YPEL2: variants seen among roughly 807,000 people sequenced by gnomAD.
The protein encoded by YPEL2 is yippee like 2.
A neutral mutation model predicts 19.1 loss-of-function variants in YPEL2; 2 were observed. The ratio of observed to expected loss-of-function variants is 0.10; its 90% confidence interval spans 0.04 to 0.33. The LOEUF is 0.33. YPEL2 is among the 10% of genes least tolerant of loss of function. YPEL2 has a pLI of 1.00. For missense variants in YPEL2, 66 were observed against 140.7 expected (o/e 0.47, Z 2.68); for synonymous variants, 52 against 50.0 (o/e 1.04, Z -0.17).
chr17:59,350,784 A>G (rs2047783788), intron 1 of YPEL2, among the ~76,000 whole-genome samples: 1 of 152,140 alleles, frequency 6.6e-6, no homozygotes, highest in Admixed American at 6.5e-5. Context: ...GAAATGTATA[A>G]TTTAGAAGCT....
At chr17:59,361,360 T>A (rs2047840074) in intron 2 of YPEL2, among the ~76,000 whole-genome samples, 1 of 152,200 alleles carries the variant, frequency 6.6e-6, no homozygotes, top group Non-Finnish European at 1.5e-5. Flanking sequence ...CTCAAAAATT[T>A]TGTCAGGGAA....
intron 2 of YPEL2, among the ~76,000 whole-genome samples, chr17:59,359,980 A>T (rs1326497951): frequency 1.3e-5 from 2 of 152,068 alleles, no homozygotes; most frequent in African/African-American, 4.8e-5. Flanking sequence ...GCTCACTGCA[A>T]CCTCCGCCTC....
In YPEL2 at chr17:59,353,845, G is replaced by A. The variant is rs534848832; in HGVS notation, c.117+319G>A. On this transcript the variant is annotated intron_variant, in intron 2 of 4. Coordinates refer to ENST00000312655, the MANE Select transcript of YPEL2 (RefSeq NM_001005404.4). This position sits in a 1 kb window ranked among gnomAD's most constrained non-coding sequence, Gnocchi z 4.8. Reference sequence around the variant, plus strand: ...GCTTGCTTGGTTTAGGTTGGCGGACGAAGAGTGAAGAGTGCTCCCTGCTCA... The same window carrying A: ...GCTTGCTTGGTTTAGGTTGGCGGACAAAGAGTGAAGAGTGCTCCCTGCTCA... 5.2e-5 allele frequency: 19 copies of A among 368,366 alleles called. No individual in the cohort carries two copies. Among genetic ancestry groups the A allele is most frequent in the Non-Finnish European group, 9.0e-5 (17 of 189,800 alleles). 22.8% of individuals were successfully genotyped at this position (368,366 alleles called of 1,614,324 possible).
intron 4 of YPEL2, among the ~76,000 whole-genome samples, chr17:59,393,372 C>A (rs1269546896): frequency 6.7e-6 from 1 of 150,256 alleles, no homozygotes; most frequent in East Asian, 2.0e-4. Context: ...CGGCCTCAAG[C>A]AGTCTTCCTG....
At chr17:59,396,406 G>A (rs1180832107) in intron 4 of YPEL2, among the ~76,000 whole-genome samples, 1 of 152,204 alleles carries the variant, frequency 6.6e-6, no homozygotes, top group Non-Finnish European at 1.5e-5. Context: ...TGTATATTCA[G>A]AAGTGAGAAG....
chr17:59,375,526 A>G (rs142547363), intron 2 of YPEL2, among the ~76,000 whole-genome samples: 1 of 152,334 alleles, frequency 6.6e-6, no homozygotes, highest in Non-Finnish European at 1.5e-5. Context: ...TGGGACTCAG[A>G]GGGTGTTCCC....
At chr17:59,390,744 G>T (rs1270492122) in intron 4 of YPEL2, among the ~76,000 whole-genome samples, 1 of 152,156 alleles carries the variant, frequency 6.6e-6, no homozygotes, top group East Asian at 1.9e-4. Flanking sequence ...CCTAACATGC[G>T]CTGGGGTCAC....
intron 1 of YPEL2, among the ~76,000 whole-genome samples, chr17:59,342,001 C>G (rs2047733801): frequency 6.6e-6 from 1 of 152,196 alleles, no homozygotes; most frequent in Admixed American, 6.5e-5. Context: ...TTGAAAGTGC[C>G]TCTTCCCTTT....
intron 1 of YPEL2, among the ~76,000 whole-genome samples, chr17:59,346,351 A>G (rs1439899090): frequency 2.0e-5 from 3 of 152,168 alleles, no homozygotes; most frequent in Non-Finnish European, 2.9e-5. Flanking sequence ...TTAAACCTAG[A>G]CCAGCAGTGT....
At chr17:59,385,277 A>T (rs891687560) in intron 2 of YPEL2, among the ~76,000 whole-genome samples, 4 of 152,240 alleles carry the variant, frequency 2.6e-5, no homozygotes, top group Admixed American at 2.6e-4. Flanking sequence ...TCATTTATTT[A>T]AAAAATTCTA....
intron 1 of YPEL2, among the ~76,000 whole-genome samples, chr17:59,337,308 C>A (rs1011223838): frequency 6.6e-6 from 1 of 151,774 alleles, no homozygotes; most frequent in African/African-American, 2.4e-5. Flanking sequence ...CTGCCTCAGC[C>A]TCCCGAGTAG....
chr17:59,336,862 C>T (rs890538935), intron 1 of YPEL2, among the ~76,000 whole-genome samples: 3 of 152,170 alleles, frequency 2.0e-5, no homozygotes, highest in African/African-American at 2.4e-5. Context: ...ACCATGTATT[C>T]GCAAGCTGAC....
At chr17:59,345,701 G>A (rs1355838792) in intron 1 of YPEL2, among the ~76,000 whole-genome samples, 4 of 152,114 alleles carry the variant, frequency 2.6e-5, no homozygotes, top group African/African-American at 9.7e-5. Flanking sequence ...TGGGGGACGG[G>A]AACGCCATTC....
intron 1 of YPEL2, among the ~76,000 whole-genome samples, chr17:59,338,711 T>G (rs943723321): frequency 2.0e-5 from 3 of 152,292 alleles, no homozygotes; most frequent in East Asian, 3.9e-4. Flanking sequence ...GGACTGTGAC[T>G]TCCTTCACAG....
At position 59,399,338 on chromosome 17, in the gene YPEL2, T is replaced by C. The variant is rs58079959; in HGVS notation, c.*2148T>C. 23,140 of 151,170 alleles carry C rather than the reference T, an allele frequency of 0.15. 1,960 individuals carry two copies. The highest frequency in any genetic ancestry group is 0.19 in the Non-Finnish European group (12,715 of 67,298). The allele number at this position is 151,170 out of a possible 1,614,324, so 9.4% of individuals were successfully genotyped here. On this transcript the variant is annotated 3_prime_UTR_variant, in exon 5 of 5. Coordinates refer to ENST00000312655, the MANE Select transcript of YPEL2 (RefSeq NM_001005404.4). ...GGCTGTTTATTGATAGTCCTTCCCATAAGAAAATGGGGTTAAACATGGGGT... is the reference window on the plus strand; with the variant it reads ...GGCTGTTTATTGATAGTCCTTCCCACAAGAAAATGGGGTTAAACATGGGGT...
Position 59,351,955 on chromosome 17 carries a change from G to A in YPEL2, c.-195-1260G>A, listed in dbSNP as rs543470977. 6.6e-4 allele frequency among the ~76,000 whole-genome samples: 100 copies of A among 152,322 alleles called. 4 individuals carry two copies. In the South Asian group the frequency reaches 0.02, roughly 30 times the overall value. On this transcript the variant is annotated intron_variant, in intron 1 of 4. Transcript: ENST00000312655. Reference sequence around the variant, plus strand: ...GTGTCCCAGAAGTATGGCGGCCTCAGTGACTGTTTTGGTGGGAAGGATTCC... The same window carrying A: ...GTGTCCCAGAAGTATGGCGGCCTCAATGACTGTTTTGGTGGGAAGGATTCC...
At chr17:59,392,287 C>G (rs1389962156) in intron 4 of YPEL2, among the ~76,000 whole-genome samples, 1 of 152,062 alleles carries the variant, frequency 6.6e-6, no homozygotes, top group Non-Finnish European at 1.5e-5. Context: ...ATTCTTTTGA[C>G]AAAGGTTTAT....
intron 1 of YPEL2, among the ~76,000 whole-genome samples, chr17:59,333,085 A>G (rs1405775786): frequency 6.6e-6 from 1 of 152,176 alleles, no homozygotes; most frequent in African/African-American, 2.4e-5. Flanking sequence ...TTGATTTCAC[A>G]TGGTTATTGC....
In YPEL2 at chr17:59,393,671, T is replaced by C. The variant is rs556006134; in HGVS notation, c.271-3430T>C. On this transcript the variant is annotated intron_variant, in intron 4 of 4. Coordinates refer to ENST00000312655, the MANE Select transcript of YPEL2 (RefSeq NM_001005404.4). ...CAGAGGACCCTGCGGCCTTCCGCAG[T>C]GTTTGTGTCCCTGGGTACTTGAGAT... Among the ~76,000 whole-genome samples, 152 of 147,778 alleles carry C rather than the reference T, an allele frequency of 1.0e-3. 1 individual carries two copies. The highest frequency in any genetic ancestry group is 3.1e-3 in the African/African-American group (122 of 39,704).
Sources: allele counts gnomAD v4.1 joint callset (sites outside exome capture counted in the v4.1 genomes callset), GRCh38; gene constraint gnomAD v4.1.1; non-coding constraint Gnocchi (gnomAD v3.1); transcripts MANE v1.5; gene names NCBI Gene and HGNC (gene_info 2026-07-23, HGNC 2026-07-21).